Variants in GRM8 observed in about 807,000 individuals in gnomAD.
GRM8 encodes metabotropic glutamate receptor 8.
In GRM8, 47 loss-of-function variants were observed where a neutral mutation model predicts 87.2. The ratio of observed to expected loss-of-function variants is 0.54; its 90% CI spans 0.43 to 0.69. GRM8 has a LOEUF of 0.69. GRM8 is among the 30% of genes least tolerant of loss of function. The probability of loss-of-function intolerance (pLI) is 0.00; values close to 1 mark genes in which losing one functional copy is unlikely to be tolerated. For synonymous variants in GRM8, 396 were observed against 404.5 expected, an observed-to-expected ratio of 0.98 and a Z score of 0.25; for missense variants, 1,019 against 1,139.2, an observed-to-expected ratio of 0.89 and a Z score of 1.52.
At chr7:127,138,244 T>C (rs919567447) in intron 2 of GRM8, among the ~76,000 whole-genome samples, 2 of 152,096 alleles carry the variant, frequency 1.3e-5, no homozygotes, top group African/African-American at 4.8e-5. Flanking sequence ...TCCCCACCCA[T>C]TGCATTCTTT....
intron 3 of GRM8, among the ~76,000 whole-genome samples, chr7:126,930,786 G>A (rs569668952): frequency 6.6e-6 from 1 of 152,264 alleles, no homozygotes; most frequent in African/African-American, 2.4e-5. Context: ...CAGAATTCTT[G>A]GAGACCGCTA....
intron 3 of GRM8, among the ~76,000 whole-genome samples, chr7:126,911,843 C>T (rs2131296446): frequency 6.6e-6 from 1 of 152,288 alleles, no homozygotes; most frequent in South Asian, 2.1e-4. Context: ...TTTTATGTAT[C>T]AGTTTGACTG....
Position 126,498,527 on chromosome 7 carries a change from T to C in GRM8, c.2430+34425A>G, listed in dbSNP as rs191924004. Among the ~76,000 whole-genome samples, 537 of 152,010 alleles carry C rather than the reference T, an allele frequency of 3.5e-3. 4 individuals carry two copies. The highest frequency in any genetic ancestry group is 0.01 in the Middle Eastern group (3 of 294). ...GAAGCCCCTTGCTGGCATACCATCA[T>C]AGACAACTGAAAACGGCTCTACAGA... On this transcript the variant is annotated intron_variant, in intron 9 of 10. Coordinates refer to ENST00000339582, the MANE Select transcript of GRM8 (RefSeq NM_000845.3).
chr7:126,952,476 AAG>A (rs1808266947), intron 3 of GRM8, among the ~76,000 whole-genome samples: 1 of 152,068 alleles, frequency 6.6e-6, no homozygotes, highest in Non-Finnish European at 1.5e-5. Flanking sequence ...TCACAGTCTA[AAG>A]AGAAACAGGA....
At chr7:127,089,098 A>G (rs1292424720) in intron 3 of GRM8, among the ~76,000 whole-genome samples, 1 of 152,238 alleles carries the variant, frequency 6.6e-6, no homozygotes. Context: ...TGCAGTAGGG[A>G]ATTCGAGATG....
chr7:126,912,528 G>C (rs1803425193), intron 3 of GRM8, among the ~76,000 whole-genome samples: 1 of 152,094 alleles, frequency 6.6e-6, no homozygotes, highest in Admixed American at 6.5e-5. Context: ...AAATCTCTTT[G>C]GTTCTGTTTC....
At chr7:127,043,606 G>C (rs182956782) in intron 3 of GRM8, among the ~76,000 whole-genome samples, 1 of 152,242 alleles carries the variant, frequency 6.6e-6, no homozygotes, top group East Asian at 1.9e-4. Flanking sequence ...CACACACGGG[G>C]CCTGTTGTAG....
intron 7 of GRM8, among the ~76,000 whole-genome samples, chr7:126,698,250 TGGAAGG>T (rs904080066): frequency 7.2e-5 from 11 of 152,068 alleles, no homozygotes; most frequent in African/African-American, 2.7e-4. Context: ...CTACAGTAAG[TGGAAGG>T]GGAATTATGT....
At chr7:126,853,930 C>G (rs1797451752) in intron 6 of GRM8, among the ~76,000 whole-genome samples, 1 of 152,150 alleles carries the variant, frequency 6.6e-6, no homozygotes, top group Non-Finnish European at 1.5e-5. Flanking sequence ...GAGTCAGGTA[C>G]CCATGCTTGC....
At chr7:127,012,848 G>A (rs1815033597) in intron 3 of GRM8, among the ~76,000 whole-genome samples, 1 of 152,124 alleles carries the variant, frequency 6.6e-6, no homozygotes, top group South Asian at 2.1e-4. Context: ...GATTTCCATT[G>A]TTTCTATCAC....
At chr7:126,802,668 G>A (rs1012091189) in intron 6 of GRM8, among the ~76,000 whole-genome samples, 11 of 152,096 alleles carry the variant, frequency 7.2e-5, no homozygotes, top group African/African-American at 2.7e-4. Context: ...TCTTCGTTTG[G>A]CCTTCCAGAA....
In GRM8 at chr7:126,872,449, C is replaced by T. The variant is rs144259541; in HGVS notation, c.1156+30093G>A. On this transcript the variant is annotated intron_variant, in intron 6 of 10. Transcript: ENST00000339582. Reference sequence around the variant, plus strand: ...GAATATTAGGAGTATTAATTCTTTCCGCTACTAAGACGTTGTTTAGGGTAC... The same window carrying T: ...GAATATTAGGAGTATTAATTCTTTCTGCTACTAAGACGTTGTTTAGGGTAC... Among the ~76,000 whole-genome samples, 32 of 152,178 alleles carry T rather than the reference C, an allele frequency of 2.1e-4. No homozygotes were observed. In the East Asian group the frequency reaches 4.4e-3, roughly 21 times the overall value.
At position 127,130,537 on chromosome 7, in the gene GRM8, G is replaced by A. The variant is rs534639886; in HGVS notation, c.511-23825C>T. Among the ~76,000 whole-genome samples the A allele has an allele frequency of 2.6e-5, 4 of 152,144 alleles. No individual in the cohort carries two copies. In the South Asian group the frequency reaches 6.2e-4, roughly 24 times the overall value. ...GTTATGCTTTTGAAAAGAGACTGGC[G>A]GCATTTTGCCCCCGCCCTAGAGATA... On this transcript the variant is annotated intron_variant, in intron 2 of 10. Coordinates refer to ENST00000339582, the MANE Select transcript of GRM8 (RefSeq NM_000845.3).
At chr7:126,443,551 T>A (rs945955104) in intron 10 of GRM8, among the ~76,000 whole-genome samples, 4 of 152,010 alleles carry the variant, frequency 2.6e-5, no homozygotes, top group African/African-American at 7.2e-5. Context: ...TCACTTTACT[T>A]CGGCCCAACT....
chr7:126,939,583 T>C (rs1162533098), intron 3 of GRM8, among the ~76,000 whole-genome samples: 4 of 152,220 alleles, frequency 2.6e-5, no homozygotes, highest in African/African-American at 4.8e-5. Flanking sequence ...CTACATAAAA[T>C]AGTTAAATAC....
intron 9 of GRM8, among the ~76,000 whole-genome samples, chr7:126,458,987 T>C (rs1437186039): frequency 6.7e-6 from 1 of 148,944 alleles, no homozygotes. Context: ...AAATTAATCA[T>C]GGAACTAGGT....
intron 6 of GRM8, among the ~76,000 whole-genome samples, chr7:126,892,020 G>GGAAA (rs1586346112): frequency 6.0e-5 from 1 of 16,806 alleles, no homozygotes; most frequent in East Asian, 9.6e-3. Flanking sequence ...TTCTTGCAGG[G>GGAAA]TAAAAAAAAA....
chr7:126,807,954 G>C (rs1226397419), intron 6 of GRM8, among the ~76,000 whole-genome samples: 1 of 151,992 alleles, frequency 6.6e-6, no homozygotes, highest in Non-Finnish European at 1.5e-5. Context: ...AAATGGACCG[G>C]AATGACTCAA....
chr7:127,189,117 C>T (rs1794888242), intron 2 of GRM8, among the ~76,000 whole-genome samples: 1 of 152,200 alleles, frequency 6.6e-6, no homozygotes, highest in Non-Finnish European at 1.5e-5. Flanking sequence ...CATTTCCTCC[C>T]TACCACCTAA....
Sources: gnomAD v4.1 joint callset for allele counts (sites outside exome capture counted in the v4.1 genomes callset) on GRCh38, gnomAD v4.1.1 for gene constraint, MANE v1.5 for transcripts, NCBI Gene and HGNC (gene_info 2026-07-23, HGNC 2026-07-21) for gene names.